CADM2: variants seen among roughly 807,000 people sequenced by gnomAD.
CADM2 encodes cell adhesion molecule 2.
CADM2 carries 12 observed loss-of-function variants against 49.8 expected under a neutral mutation model. The ratio of observed to expected loss-of-function variants is 0.24; its 90% CI spans 0.15 to 0.39. The LOEUF is 0.39. CADM2 is among the 10% of genes least tolerant of loss of function. CADM2 has a pLI of 1.00. For missense variants in CADM2, 378 were observed against 492.3 expected (o/e 0.77, Z 2.20); for synonymous variants, 214 against 175.4 (o/e 1.22, Z -1.74).
rs149539292 is a variant in CADM2 at position 84,965,025 on chromosome 3, A to G, written c.61+5357A>G. The stretch of plus-strand genomic sequence containing the variant: ...AGTCATTTTTAACATTTTTCCTACC[A>G]TTTTTTTCTTTTCCTTGATTAAAAA... On this transcript the variant is annotated intron_variant, in intron 1 of 9. Coordinates refer to ENST00000383699, the MANE Select transcript of CADM2 (RefSeq NM_001167675.2). Among the ~76,000 whole-genome samples, 251 of 152,100 alleles carry G rather than the reference A, an allele frequency of 1.7e-3. 2 individuals are homozygous for G. The highest frequency in any genetic ancestry group is 5.8e-3 in the African/African-American group (241 of 41,486).
chr3:85,449,052 A>AAAAAAAAATAATAATAAT (rs71617939), intron 1 of CADM2, among the ~76,000 whole-genome samples: 6 of 107,406 alleles, frequency 5.6e-5, no homozygotes, highest in Admixed American at 1.1e-4. Flanking sequence ...TCCAACTCAA[A>AAAAAAAAATAATAATAAT]AATAATAATA....
At chr3:85,267,686 G>C (rs960743127) in intron 1 of CADM2, among the ~76,000 whole-genome samples, 10 of 151,430 alleles carry the variant, frequency 6.6e-5, no homozygotes, top group African/African-American at 2.4e-4. Context: ...TTAGTTGAAT[G>C]AACTAATAAT....
intron 1 of CADM2, among the ~76,000 whole-genome samples, chr3:85,293,628 T>C (rs1229844239): frequency 8.2e-6 from 1 of 121,592 alleles, no homozygotes; most frequent in Non-Finnish European, 1.7e-5. Flanking sequence ...GCAAGGCTGG[T>C]TCAATATACG....
chr3:85,985,095 G>A (rs1039882288), intron 8 of CADM2, among the ~76,000 whole-genome samples: 2 of 151,816 alleles, frequency 1.3e-5, no homozygotes, highest in African/African-American at 4.8e-5. Flanking sequence ...TCTGTTTGGG[G>A]TGCTATAATG....
chr3:85,652,772 C>CTTTTTTTTTTTTTTCTTTTT (rs2065085045), intron 1 of CADM2, among the ~76,000 whole-genome samples: 1 of 50,782 alleles, frequency 2.0e-5, no homozygotes, highest in Non-Finnish European at 3.5e-5. Context: ...TTTTTCTTTT[C>CTTTTTTTTTTTTTTCTTTTT]TTTTTTTTTT....
intron 1 of CADM2, among the ~76,000 whole-genome samples, chr3:85,393,118 C>T (rs2034602150): frequency 6.7e-6 from 1 of 148,712 alleles, no homozygotes; most frequent in Non-Finnish European, 1.5e-5. Flanking sequence ...AGAAAAATTC[C>T]TAGGATAAAT....
intron 1 of CADM2, among the ~76,000 whole-genome samples, chr3:85,706,888 G>T (rs182024547): frequency 7.9e-5 from 12 of 152,268 alleles, no homozygotes; most frequent in Non-Finnish European, 1.0e-4. Context: ...TTCTGGAGGA[G>T]ACTGATTTTT....
At chr3:85,941,262 A>G in intron 7 of CADM2, among the ~76,000 whole-genome samples, 1 of 152,134 alleles carries the variant, frequency 6.6e-6, no homozygotes, top group East Asian at 1.9e-4. Context: ...TCTTACTTAT[A>G]TATTTAATAC....
chr3:85,808,519 A>G (rs2072603620), intron 3 of CADM2, among the ~76,000 whole-genome samples: 1 of 152,284 alleles, frequency 6.6e-6, no homozygotes, highest in Non-Finnish European at 1.5e-5. Flanking sequence ...GAAGTAGCAC[A>G]ATCTGATCAG....
intron 8 of CADM2, among the ~76,000 whole-genome samples, chr3:85,995,560 T>C (rs1258764365): frequency 6.6e-6 from 1 of 152,164 alleles, no homozygotes; most frequent in Non-Finnish European, 1.5e-5. Context: ...ACTTTCTGCA[T>C]CGTATTCTAA....
At chr3:85,230,869 A>G (rs772076781) in intron 1 of CADM2, among the ~76,000 whole-genome samples, 4 of 152,004 alleles carry the variant, frequency 2.6e-5, no homozygotes, top group Non-Finnish European at 4.4e-5. Flanking sequence ...GGAAAACTGT[A>G]TGTTATTTTT....
At chr3:85,335,386 C>G (rs1192067840) in intron 1 of CADM2, among the ~76,000 whole-genome samples, 1 of 151,498 alleles carries the variant, frequency 6.6e-6, no homozygotes, top group Non-Finnish European at 1.5e-5. Context: ...CCAGACCTCT[C>G]TATTCTCTTC....
chr3:85,078,805 T>A (rs2037049936), intron 1 of CADM2, among the ~76,000 whole-genome samples: 1 of 151,862 alleles, frequency 6.6e-6, no homozygotes, highest in South Asian at 2.1e-4. Flanking sequence ...TGTAAGCTTA[T>A]GTTTTTCTTT....
At chr3:85,092,427 AATCTCTTTT>A (rs2037632135) in intron 1 of CADM2, among the ~76,000 whole-genome samples, 1 of 152,168 alleles carries the variant, frequency 6.6e-6, no homozygotes, top group Non-Finnish European at 1.5e-5. Context: ...GAGAAGAAAC[AATCTCTTTT>A]AGAGAAAGAT....
At chr3:85,836,059 C>T (rs1014963019) in intron 3 of CADM2, among the ~76,000 whole-genome samples, 3 of 151,312 alleles carry the variant, frequency 2.0e-5, no homozygotes, top group Non-Finnish European at 4.4e-5. Context: ...TTTGAAAAAG[C>T]GTTTTAGTTT....
intron 1 of CADM2, among the ~76,000 whole-genome samples, chr3:85,684,575 A>G (rs1232938887): frequency 6.6e-6 from 1 of 152,148 alleles, no homozygotes; most frequent in Non-Finnish European, 1.5e-5. Flanking sequence ...CATACCCGAG[A>G]CTGGGTAATT....
intron 8 of CADM2, among the ~76,000 whole-genome samples, chr3:86,064,846 C>G (rs1461575473): frequency 6.6e-6 from 1 of 152,164 alleles, no homozygotes; most frequent in Non-Finnish European, 1.5e-5. Context: ...ATTAATTTGT[C>G]TCTTTCCAAT....
chr3:85,379,757 A>G (rs1307773686), intron 1 of CADM2, among the ~76,000 whole-genome samples: 1 of 152,036 alleles, frequency 6.6e-6, no homozygotes, highest in African/African-American at 2.4e-5. Flanking sequence ...CAACAAAAAT[A>G]CATTTTATTC....
intron 1 of CADM2, among the ~76,000 whole-genome samples, chr3:85,457,822 C>T (rs1348864734): frequency 6.6e-6 from 1 of 152,008 alleles, no homozygotes; most frequent in Non-Finnish European, 1.5e-5. Flanking sequence ...TTCAAAAAGT[C>T]TTGATATTTT....
Sources: gnomAD v4.1 joint callset for allele counts (sites outside exome capture counted in the v4.1 genomes callset) on GRCh38, gnomAD v4.1.1 for gene constraint, MANE v1.5 for transcripts, NCBI Gene and HGNC (gene_info 2026-07-23, HGNC 2026-07-21) for gene names.